PFKFB4: variants seen among roughly 807,000 people sequenced by gnomAD.
The protein encoded by PFKFB4 is 6-phosphofructo-2-kinase/fructose-2,6-bisphosphatase 4.
PFKFB4 carries 42 observed loss-of-function variants against 62.8 expected under a neutral mutation model. The observed-to-expected ratio is 0.67, with a 90% CI of 0.52 to 0.86. The LOEUF (loss-of-function observed/expected upper bound fraction) is 0.86. Among genes scored for constraint, PFKFB4 ranks in the 40% least tolerant of loss-of-function variants. PFKFB4 has a pLI of 0.00. For missense variants in PFKFB4, 475 were observed against 627.2 expected, an observed-to-expected ratio of 0.76 and a Z score of 2.59; for synonymous variants, 204 against 240.7, an observed-to-expected ratio of 0.85 and a Z score of 1.41.
intron 4 of PFKFB4, among the ~76,000 whole-genome samples, chr3:48,540,089 T>C (rs2042753441): frequency 6.6e-6 from 1 of 152,230 alleles, no homozygotes; most frequent in South Asian, 2.1e-4. Flanking sequence ...GCACTCAGTT[T>C]GTGTTTGACC....
At chr3:48,532,460 T>C (rs964517039) in intron 9 of PFKFB4, among the ~76,000 whole-genome samples, 2 of 152,142 alleles carry the variant, frequency 1.3e-5, no homozygotes, top group East Asian at 1.9e-4. Context: ...TTATCCACAA[T>C]AGCTAAAAAG....
upstream of PFKFB4, chr3:48,562,772 C>G: frequency 6.5e-7 from 1 of 1,533,550 alleles, no homozygotes; most frequent in African/African-American, 1.4e-5. This position sits in a 1 kb window ranked among gnomAD's most constrained non-coding sequence, Gnocchi z 4.3. Flanking sequence ...TCACTGTGAC[C>G]CCCTCTCTCA....
chr3:48,531,930 G>C (rs2042440592), intron 9 of PFKFB4, among the ~76,000 whole-genome samples: 1 of 152,228 alleles, frequency 6.6e-6, no homozygotes, highest in African/African-American at 2.4e-5. Context: ...AGGATGTGGA[G>C]AAATTGGAAC....
chr3:48,529,181 G>C (rs187730698), intron 9 of PFKFB4, among the ~76,000 whole-genome samples: 122 of 152,206 alleles, frequency 8.0e-4, no homozygotes, highest in African/African-American at 2.9e-3. Context: ...GGGATTACAG[G>C]TGTGCGCCAC....
At chr3:48,527,991 C>T (rs1054786487) in intron 9 of PFKFB4, among the ~76,000 whole-genome samples, 1 of 151,962 alleles carries the variant, frequency 6.6e-6, no homozygotes, top group Non-Finnish European at 1.5e-5. Context: ...GCCCGGCCAG[C>T]TTCCACCATC....
chr3:48,521,981 G>A lies in PFKFB4; in HGVS notation c.1350+5C>T. ...CCGCTACCCCAGCAGTGACCCCATT[G>A]CTACCTGAGGCCTGTCCCGGTGCGT... On this transcript the variant is annotated splice_donor_5th_base_variant and intron_variant, in intron 13 of 13. Coordinates refer to ENST00000232375, the MANE Select transcript of PFKFB4 (RefSeq NM_004567.4). The surrounding 1 kb of genome is among the most constrained non-coding windows in gnomAD (Gnocchi z 5.3). 6.2e-7 allele frequency: 1 copy of A among 1,613,336 alleles called. No individual in the cohort carries two copies. The highest frequency in any genetic ancestry group is 8.5e-7 in the Non-Finnish European group (1 of 1,179,260).
Position 48,518,060 on chromosome 3 carries a change from T to C in PFKFB4, c.*1687A>G, listed in dbSNP as rs1211718026. On this transcript the variant is annotated 3_prime_UTR_variant, in exon 14 of 14. Coordinates refer to ENST00000232375, the MANE Select transcript of PFKFB4 (RefSeq NM_004567.4). The stretch of plus-strand genomic sequence containing the variant: ...TGTTGCTGACCAAGGGAACCCACTA[T>C]GGCTAACAAATGAGTGTGTCCAGGT... The C allele has an allele frequency of 6.6e-6, 1 of 152,322 alleles. No individual in the cohort carries two copies. Among genetic ancestry groups the C allele is most frequent in the African/African-American group, 2.4e-5 (1 of 41,472 alleles). 9.4% of individuals were successfully genotyped at this position (152,322 alleles called of 1,614,324 possible).
chr3:48,542,029 C>T (rs2042813956), intron 4 of PFKFB4, among the ~76,000 whole-genome samples: 1 of 152,026 alleles, frequency 6.6e-6, no homozygotes, highest in Non-Finnish European at 1.5e-5. Context: ...TTTCTCAAAA[C>T]AAACAACCAA....
chr3:48,546,836 T>C (rs1370031928), intron 3 of PFKFB4, among the ~76,000 whole-genome samples: 9 of 152,204 alleles, frequency 5.9e-5, no homozygotes, highest in Non-Finnish European at 1.0e-4. Flanking sequence ...GTAAAAACCT[T>C]GGTCGTTGAG....
intron 5 of PFKFB4, 131 bp downstream of exon 5, chr3:48,539,566 C>G: frequency 3.6e-6 from 3 of 843,498 alleles, no homozygotes; most frequent in Non-Finnish European, 5.9e-6. Context: ...GACAGCCCCT[C>G]TCATCCCAAA....
At chr3:48,560,306 C>T (rs975200453), upstream of PFKFB4, among the ~76,000 whole-genome samples, 3 of 152,214 alleles carry the variant, frequency 2.0e-5, no homozygotes, top group African/African-American at 7.2e-5. Context: ...ATCTCTCCAC[C>T]CCCAGCCCTG....
chr3:48,551,223 T>C (rs1298420804), intron 1 of PFKFB4, among the ~76,000 whole-genome samples: 1 of 150,480 alleles, frequency 6.6e-6, no homozygotes, highest in African/African-American at 2.4e-5. Context: ...TCTTTTTTTT[T>C]TTTTTTTTTT....
At chr3:48,543,993 C>G (rs1035655069) in intron 3 of PFKFB4, among the ~76,000 whole-genome samples, 2 of 144,846 alleles carry the variant, frequency 1.4e-5, no homozygotes, top group Non-Finnish European at 3.0e-5. Flanking sequence ...CAAAATAAGC[C>G]CCCCCCCGCC....
intron 1 of PFKFB4, among the ~76,000 whole-genome samples, chr3:48,555,908 TAAAAA>T (rs397957030): frequency 7.1e-6 from 1 of 140,066 alleles, no homozygotes; most frequent in Admixed American, 7.1e-5. Flanking sequence ...ACTCATCTCT[TAAAAA>T]AAAAAAAAAC....
Position 48,556,621 on chromosome 3 carries a change from G to GCCGCCCTACCCACCCATC in PFKFB4, c.97+42_97+59dup. 6.7e-7 allele frequency: 1 copy of GCCGCCCTACCCACCCATC among 1,493,332 alleles called. No individual in the cohort carries two copies. The highest frequency in any genetic ancestry group is 9.1e-7 in the Non-Finnish European group (1 of 1,099,402). 92.5% of individuals were successfully genotyped at this position (1,493,332 alleles called of 1,614,324 possible). A position where few individuals can be genotyped will look rare whatever the true frequency, so the allele number is the denominator to read the frequency against. On this transcript the variant is annotated intron_variant, in intron 1 of 13. Coordinates refer to ENST00000232375, the MANE Select transcript of PFKFB4 (RefSeq NM_004567.4). This position sits in a 1 kb window ranked among gnomAD's most constrained non-coding sequence, Gnocchi z 5.7. Reference sequence around the variant, plus strand: ...TTCTCCATGCGAGACCCCCGCCCAGGCCGCCCTACCCACCCATCCCGGTGC... The same window carrying GCCGCCCTACCCACCCATC: ...TTCTCCATGCGAGACCCCCGCCCAGGCCGCCCTACCCACCCATCCCGCCCTACCCACCCATCCCGGTGC...
At chr3:48,532,974 T>C (rs956346476) in intron 9 of PFKFB4, among the ~76,000 whole-genome samples, 3 of 152,242 alleles carry the variant, frequency 2.0e-5, no homozygotes, top group Admixed American at 2.0e-4. Flanking sequence ...TATAAAGTAG[T>C]CAAAGTCATA....
At chr3:48,548,560 C>G (rs1438981706) in intron 3 of PFKFB4, 1 of 152,080 alleles carries the variant, frequency 6.6e-6, no homozygotes, top group Admixed American at 6.5e-5. Context: ...ATGATGGACA[C>G]TTTTTAGCGG....
chr3:48,556,250 C>T lies in PFKFB4; in HGVS notation c.97+431G>A, dbSNP rs1282720874. On this transcript the variant is annotated intron_variant, in intron 1 of 13. Transcript: ENST00000232375. This position sits in a 1 kb window ranked among gnomAD's most constrained non-coding sequence, Gnocchi z 5.7. ...TTGAAAGTTCTGGGCTCAGAGAGGC[C>T]AAGTAATTCACCTAGGGCCACACAG... The T allele has an allele frequency of 4.2e-6, 2 of 470,746 alleles. No individual in the cohort carries two copies. The highest frequency in any genetic ancestry group is 1.3e-4 in the East Asian group (2 of 15,230). The allele number at this position is 470,746 out of a possible 1,614,324, so 29.2% of individuals were successfully genotyped here. A position where few individuals can be genotyped will look rare whatever the true frequency, so the allele number is the denominator to read the frequency against.
Position 48,535,506 on chromosome 3 carries a change from A to G in PFKFB4, c.987+6T>C. 6.2e-7 allele frequency: 1 copy of G among 1,611,494 alleles called. No individual in the cohort carries two copies. The highest frequency in any genetic ancestry group is 8.5e-7 in the Non-Finnish European group (1 of 1,177,944). On this transcript the variant is annotated splice_donor_region_variant and intron_variant, in intron 9 of 13. Transcript: ENST00000232375. ...AGGTAGACAGGGAGGGAGGGACGGT[A>G]ACTACCGCATCGATCTCGTTGAGGA...
Sources: allele counts gnomAD v4.1 joint callset (sites outside exome capture counted in the v4.1 genomes callset), GRCh38; gene constraint gnomAD v4.1.1; non-coding constraint Gnocchi (gnomAD v3.1); transcripts MANE v1.5; gene names NCBI Gene and HGNC (gene_info 2026-07-23, HGNC 2026-07-21).